Variants in APC observed in about 807,000 individuals in gnomAD.
APC encodes the protein adenomatous polyposis coli protein.
Under a neutral mutation model 247.0 loss-of-function variants are expected in APC, and 72 were observed. The observed-to-expected ratio is 0.29, with a 90% confidence interval of 0.24 to 0.35. APC has a LOEUF of 0.35. Among genes scored for constraint, APC ranks in the 10% least tolerant of loss-of-function variants. APC has a pLI of 1.00. For synonymous variants in APC, 1,254 were observed against 1,162.5 expected, an observed-to-expected ratio of 1.08 and a Z score of -1.60; for missense variants, 3,400 against 3,360.7, an observed-to-expected ratio of 1.01 and a Z score of -0.29.
intron 1 of APC, among the ~76,000 whole-genome samples, chr5:112,730,909 C>T (rs944505666): frequency 2.2e-4 from 33 of 152,048 alleles, no homozygotes; most frequent in African/African-American, 6.7e-4. Flanking sequence ...TTCAGAAAAA[C>T]CGAAATTCTT....
In APC at chr5:112,807,542, T is replaced by C. The variant is rs540118788; in HGVS notation, c.834+6159T>C. ...CCATTTTTCTTTCACTATTTTTTCT[T>C]TTTTTCAAGCAACCTAAGCTTTTCT... On this transcript the variant is annotated intron_variant, in intron 8 of 15. Coordinates refer to ENST00000257430, the MANE Select transcript of APC (RefSeq NM_000038.6). Among the ~76,000 whole-genome samples the C allele has an allele frequency of 1.7e-3, 266 of 152,232 alleles. 1 individual carries two copies. Among genetic ancestry groups the C allele is most frequent in the Non-Finnish European group, 2.8e-3 (188 of 68,010 alleles).
intron 11 of APC, among the ~76,000 whole-genome samples, chr5:112,822,852 A>C (rs1020890278): frequency 2.6e-5 from 4 of 152,190 alleles, no homozygotes; most frequent in Non-Finnish European, 5.9e-5. Context: ...CATTTATCTT[A>C]AAAGTGATGA....
chr5:112,811,356 T>A (rs1229893417), intron 8 of APC, among the ~76,000 whole-genome samples: 1 of 152,118 alleles, frequency 6.6e-6, no homozygotes, highest in Non-Finnish European at 1.5e-5. Context: ...TAGTTTTGAG[T>A]TGGGTGGGAA....
In APC at chr5:112,840,447, T is replaced by C. The variant is rs185411044; in HGVS notation, c.4853T>C (p.Leu1618Pro). The stretch of plus-strand genomic sequence containing the variant: ...AGTCAGCTGCCTGTGTACAAACTTC[T>C]ACCATCACAAAACAGGTTGCAACCC... ...KPSQLPVYKL[L>P]PSQNRLQPQK... Residue 1618 changes from leucine (L) to proline (P), a missense_variant, in exon 16 of 16, where the codon CTA (leucine) becomes CCA (proline). Coordinates refer to ENST00000257430, the MANE Select transcript of APC (RefSeq NM_000038.6). The surrounding 1 kb of genome is among the most constrained non-coding windows in gnomAD (Gnocchi z 4.1). The C allele has an allele frequency of 6.2e-7, 1 of 1,614,214 alleles. No homozygotes were observed. The highest frequency in any genetic ancestry group is 1.3e-5 in the African/African-American group (1 of 75,050).
intron 2 of APC, among the ~76,000 whole-genome samples, chr5:112,761,657 G>A (rs1755687715): frequency 6.6e-6 from 1 of 152,124 alleles, no homozygotes; most frequent in East Asian, 1.9e-4. Flanking sequence ...AGAAAACATA[G>A]GTAATAGCTT....
rs761812531 is a variant in APC, at chr5:112,841,079, A to G, written c.5485A>G (p.Asn1829Asp). The change falls in exon 16 of 16, where the codon AAT becomes GAT. Residue 1829 changes from asparagine to aspartate, a missense_variant. Coordinates refer to ENST00000257430, the MANE Select transcript of APC (RefSeq NM_000038.6). The surrounding 1 kb of genome is among the most constrained non-coding windows in gnomAD (Gnocchi z 4.6). ...NSKVFNDKLP[N>D]NEDRVRGSFA... ...CAAGGTCTTCAATGATAAGCTCCCA[A>G]ATAATGAAGATAGAGTCAGAGGAAG... 1.2e-6 allele frequency: 2 copies of G among 1,613,024 alleles called. No individual in the cohort carries two copies. The highest frequency in any genetic ancestry group is 1.7e-5 in the Admixed American group (1 of 60,012).
chr5:112,708,028 C>T, intron 1 of APC: 2 of 858,048 alleles, frequency 2.3e-6, no homozygotes, highest in Non-Finnish European at 3.1e-6. Context: ...CCGCACTCCC[C>T]ATTCAGGCCT....
chr5:112,798,547 A>G (rs893130141), intron 7 of APC, among the ~76,000 whole-genome samples: 2 of 152,260 alleles, frequency 1.3e-5, no homozygotes, highest in African/African-American at 4.8e-5. Flanking sequence ...TGTGATATTT[A>G]AATACCTCAC....
rs2149858412 is a variant in APC, at chr5:112,837,592, A to G, written c.1998A>G (p.Leu666=). The change falls in exon 16 of 16, where the codon TTA becomes TTG. Residue 666 remains leucine (L), a synonymous_variant. Coordinates refer to ENST00000257430, the MANE Select transcript of APC (RefSeq NM_000038.6). Reference sequence around the variant, plus strand: ...AGAACAACTGTCTACAAACTTTATTACAACACTTAAAATCTCATAGTTTGA... The same window carrying G: ...AGAACAACTGTCTACAAACTTTATTGCAACACTTAAAATCTCATAGTTTGA... ...LRENNCLQTL[L]QHLKSHSLTI... 6.2e-7 allele frequency: 1 copy of G among 1,612,926 alleles called. No homozygotes were observed. The highest frequency in any genetic ancestry group is 8.5e-7 in the Non-Finnish European group (1 of 1,179,020).
rs369345931 is a variant in APC at position 112,801,340 on chromosome 5, A to G, written c.791A>G (p.Gln264Arg). 36 of 1,612,768 alleles carry G rather than the reference A, an allele frequency of 2.2e-5. No homozygotes were observed. The highest frequency in any genetic ancestry group is 3.1e-5 in the Non-Finnish European group (36 of 1,179,130). ...GATGCTGAGCGGCAGAATGAAGGTCAAGGAGTGGGAGAAATCAACATGGCA... is the reference window on the plus strand; with the variant it reads ...GATGCTGAGCGGCAGAATGAAGGTCGAGGAGTGGGAGAAATCAACATGGCA... Reference protein sequence around the residue: ...SHDAERQNEGQGVGEINMATS... With the variant: ...SHDAERQNEGRGVGEINMATS... The change falls in exon 8 of 16, where the codon CAA becomes CGA. Residue 264 changes from glutamine to arginine, a missense_variant. Physicochemically the swap from Gln to Arg is conservative, Grantham distance 43. This residue lies in a region of APC where 372 missense variants were observed against 367.6 expected (regional missense o/e 1.01). Coordinates refer to ENST00000257430, the MANE Select transcript of APC (RefSeq NM_000038.6).
intron 1 of APC, among the ~76,000 whole-genome samples, 199 bp downstream of exon 1, chr5:112,738,124 T>C (rs1752544102): frequency 6.6e-6 from 1 of 152,060 alleles, no homozygotes; most frequent in Admixed American, 6.6e-5. Flanking sequence ...GATCCAGGGT[T>C]TTTGACAGAA....
At chr5:112,770,918 C>G (rs1047689097) in intron 4 of APC, among the ~76,000 whole-genome samples, 1 of 152,100 alleles carries the variant, frequency 6.6e-6, no homozygotes. Context: ...GTGACTGTGT[C>G]TACTGAAGCC....
intron 1 of APC, among the ~76,000 whole-genome samples, chr5:112,712,466 A>T (rs1750911503): frequency 6.6e-6 from 1 of 151,776 alleles, no homozygotes; most frequent in Admixed American, 6.6e-5. Flanking sequence ...AACTCACTGT[A>T]ACCTAGACCT....
chr5:112,808,725 T>A (rs1439644544), intron 8 of APC, among the ~76,000 whole-genome samples: 1 of 152,166 alleles, frequency 6.6e-6, no homozygotes, highest in Non-Finnish European at 1.5e-5. Flanking sequence ...ATGTTTTTTT[T>A]ATAGAGTGTC....
chr5:112,716,680 C>G (rs1022383027), intron 1 of APC, among the ~76,000 whole-genome samples: 1 of 152,030 alleles, frequency 6.6e-6, no homozygotes, highest in African/African-American at 2.4e-5. Flanking sequence ...GAGTATTTCC[C>G]TTGTAGTTCT....
rs766086022 is a variant in APC at position 112,842,620 on chromosome 5, A to T, written c.7026A>T (p.Leu2342Phe). ...ATGGAATAAGTCCTCCTAACAAATT[A>T]TCTCAACTTCCAAGGACATCATCCC... ...GRNGISPPNK[L>F]SQLPRTSSPS... is the part of the protein sequence containing the mutation. The change falls in exon 16 of 16, where the codon TTA becomes TTT. Residue 2342 changes from leucine (L) to phenylalanine (F), a missense_variant. Around this residue, in one of 9 missense-constraint regions of APC, gnomAD observed 1,788 missense variants for 1,649.5 expected, o/e 1.08. Coordinates refer to ENST00000257430, the MANE Select transcript of APC (RefSeq NM_000038.6). 3.1e-6 allele frequency: 5 copies of T among 1,613,970 alleles called. No individual in the cohort carries two copies. The East Asian group carries it at 1.1e-4, about 36-fold the overall frequency.
At chr5:112,823,581 C>T (rs886645720) in intron 11 of APC, among the ~76,000 whole-genome samples, 4 of 152,158 alleles carry the variant, frequency 2.6e-5, no homozygotes, top group African/African-American at 9.7e-5. Flanking sequence ...TTCCTTAGTT[C>T]AGTCAGCTGG....
chr5:112,758,388 G>A (rs1413483386), intron 2 of APC, among the ~76,000 whole-genome samples: 3 of 152,178 alleles, frequency 2.0e-5, no homozygotes, highest in African/African-American at 7.2e-5. Context: ...GTGCAGTGGG[G>A]CAATCTCGGC....
Position 112,830,794 on chromosome 5 carries a change from G to C in APC, c.1743+1822G>C, listed in dbSNP as rs1374701399. On this transcript the variant is annotated intron_variant, in intron 14 of 15. Transcript: ENST00000257430. ...GCCTGGGGTTGGGAGTAGAAGAGAAGGGGAGGATTATGAGAGGGTAGGAAA... is the reference window on the plus strand; with the variant it reads ...GCCTGGGGTTGGGAGTAGAAGAGAACGGGAGGATTATGAGAGGGTAGGAAA... Among the ~76,000 whole-genome samples the C allele has an allele frequency of 4.6e-5, 7 of 152,192 alleles. No individual in the cohort carries two copies. The East Asian group carries it at 1.2e-3, about 25-fold the overall frequency.
Sources: gnomAD v4.1 joint callset for allele counts (sites outside exome capture counted in the v4.1 genomes callset) on GRCh38, gnomAD v4.1.1 for gene constraint, gnomAD v4.1.1 regional missense constraint, Gnocchi (gnomAD v3.1) non-coding constraint, MANE v1.5 for transcripts, NCBI Gene and HGNC (gene_info 2026-07-23, HGNC 2026-07-21) for gene names.